Variants in NAA60 observed in about 807,000 individuals in gnomAD.
The protein encoded by NAA60 is N-alpha-acetyltransferase 60, NatF catalytic subunit.
A neutral mutation model predicts 26.1 loss-of-function variants in NAA60; 8 were observed. That is an observed-to-expected ratio of 0.31 (90% CI 0.18 to 0.55). NAA60 has a LOEUF of 0.55. Ranked by LOEUF, NAA60 falls within the 20% of genes least tolerant of loss-of-function variation. The pLI is 0.93. For synonymous variants in NAA60, 131 were observed against 122.5 expected (o/e 1.07, Z -0.46); for missense variants, 290 against 311.3 (o/e 0.93, Z 0.51).
intron 2 of NAA60, among the ~76,000 whole-genome samples, chr16:3,453,281 C>G (rs75719087): frequency 0.061 from 9,207 of 152,090 alleles, 373 homozygotes; most frequent in Admixed American, 0.085. Flanking sequence ...ACCTGTAGTC[C>G]CATCTACTCA....
rs1429796095 is a variant in NAA60 at position 3,485,007 on chromosome 16, C to T, written c.*152C>T. On this transcript the variant is annotated 3_prime_UTR_variant, in exon 7 of 8. Transcript: ENST00000407558. The stretch of plus-strand genomic sequence containing the variant: ...CCCCAGCTGCAGGCCCGGTGCTACA[C>T]GGGCTCGGGAACAGAACATCGTGGG... 12 of 1,524,334 alleles carry T rather than the reference C, an allele frequency of 7.9e-6. No individual in the cohort carries two copies. The highest frequency in any genetic ancestry group is 2.5e-5 in the East Asian group (1 of 40,614). 94.4% of individuals were successfully genotyped at this position (1,524,334 alleles called of 1,614,324 possible).
Position 3,485,798 on chromosome 16 carries a change from C to T in NAA60, c.*538C>T. 2.5e-6 allele frequency: 1 copy of T among 396,622 alleles called. No individual in the cohort carries two copies. The highest frequency in any genetic ancestry group is 5.1e-6 in the Non-Finnish European group (1 of 196,288). The allele number at this position is 396,622 out of a possible 1,614,324, so 24.6% of individuals were successfully genotyped here. On this transcript the variant is annotated 3_prime_UTR_variant, in exon 8 of 8. Coordinates refer to ENST00000407558, the MANE Select transcript of NAA60 (RefSeq NM_001083601.3). Reference sequence around the variant, plus strand: ...AAGAAGCCTGGGGGGTGAGGAGTGGCCCCCACTCCTCCATGAGGGGCTGAT... The same window carrying T: ...AAGAAGCCTGGGGGGTGAGGAGTGGTCCCCACTCCTCCATGAGGGGCTGAT...
At chr16:3,469,604 T>C (rs1313388967) in intron 2 of NAA60, among the ~76,000 whole-genome samples, 1 of 126,358 alleles carries the variant, frequency 7.9e-6, no homozygotes, top group East Asian at 2.5e-4. Flanking sequence ...TTTGCCTTGC[T>C]GCTCCGCACT....
At position 3,484,797 on chromosome 16, in the gene NAA60, T is replaced by C; in HGVS notation, c.671T>C (p.Phe224Ser). ...YRQAHSLLCS[F>S]LPWSGISSKS... The stretch of plus-strand genomic sequence containing the variant: ...CAGGCCCACAGCCTGCTCTGCAGCT[T>C]CCTGCCATGGTCGGGCATCTCTTCC... Residue 224 changes from phenylalanine (F) to serine (S), a missense_variant, in exon 7 of 8, where the codon TTC becomes TCC. Coordinates refer to ENST00000407558, the MANE Select transcript of NAA60 (RefSeq NM_001083601.3). The C allele has an allele frequency of 6.3e-7, 1 of 1,582,096 alleles. No homozygotes were observed. Among genetic ancestry groups the C allele is most frequent in the Non-Finnish European group, 8.6e-7 (1 of 1,165,080 alleles).
At chr16:3,478,918 G>T (rs957393037) in intron 3 of NAA60, among the ~76,000 whole-genome samples, 5 of 152,084 alleles carry the variant, frequency 3.3e-5, no homozygotes, top group African/African-American at 1.2e-4. Context: ...TGCTTCCATG[G>T]AGACAGTTTC....
intron 2 of NAA60, among the ~76,000 whole-genome samples, chr16:3,458,787 C>A (rs928146266): frequency 5.3e-5 from 8 of 152,108 alleles, no homozygotes; most frequent in Non-Finnish European, 1.0e-4. Context: ...TACAGACCGG[C>A]CCTACAGAAC....
At chr16:3,444,628 C>T (rs2034476396) in intron 1 of NAA60, among the ~76,000 whole-genome samples, 1 of 152,084 alleles carries the variant, frequency 6.6e-6, no homozygotes, top group East Asian at 1.9e-4. Flanking sequence ...TGTGGAATAT[C>T]TGATAGGATA....
chr16:3,476,296 A>G lies in NAA60; in HGVS notation c.69A>G (p.Ile23Met). Residue 23 changes from isoleucine to methionine, a missense_variant, in exon 3 of 8, where the codon ATA (isoleucine) becomes ATG (methionine). Ile to Met is a conservative substitution (Grantham distance 10). Coordinates refer to ENST00000407558, the MANE Select transcript of NAA60 (RefSeq NM_001083601.3). ...VSLRLLCHDD[I>M]DTVKHLCGDW... ...TGCGCCTCCTCTGCCACGATGACAT[A>G]GACACTGTGAAGCACCTGTGTGGCG... is the stretch of plus-strand genomic sequence containing the variant. 1 of 1,613,960 alleles carries G rather than the reference A, an allele frequency of 6.2e-7. No homozygotes were observed. The highest frequency in any genetic ancestry group is 1.3e-5 in the African/African-American group (1 of 75,058).
chr16:3,481,461 G>T (rs1417886462), intron 4 of NAA60, among the ~76,000 whole-genome samples: 1 of 151,610 alleles, frequency 6.6e-6, no homozygotes, highest in Admixed American at 6.6e-5. Context: ...ATCCCCCTCC[G>T]GGTGGCTTTC....
chr16:3,450,610 G>T (rs954455558), intron 2 of NAA60, among the ~76,000 whole-genome samples: 3 of 149,024 alleles, frequency 2.0e-5, no homozygotes, highest in Non-Finnish European at 3.0e-5. Flanking sequence ...TGAGGCAGGA[G>T]AATGGTGTGA....
At chr16:3,461,461 C>G (rs541385579) in intron 2 of NAA60, among the ~76,000 whole-genome samples, 142 of 152,276 alleles carry the variant, frequency 9.3e-4, no homozygotes, top group African/African-American at 3.2e-3. Context: ...CCCACCTTGT[C>G]AGCAGCTCAG....
chr16:3,461,552 C>G (rs1304432397), intron 2 of NAA60, among the ~76,000 whole-genome samples: 1 of 152,190 alleles, frequency 6.6e-6, no homozygotes, highest in Non-Finnish European at 1.5e-5. Context: ...AGAGATGTTG[C>G]AATGTCTCTT....
Position 3,443,713 on chromosome 16 carries a change from C to T in NAA60, c.-201C>T. 5 of 1,463,704 alleles carry T rather than the reference C, an allele frequency of 3.4e-6. No individual in the cohort carries two copies. Among genetic ancestry groups the T allele is most frequent in the Non-Finnish European group, 3.6e-6 (4 of 1,109,984 alleles). The allele number at this position is 1,463,704 out of a possible 1,614,324, so 90.7% of individuals were successfully genotyped here. A position where few individuals can be genotyped will look rare whatever the true frequency, so the allele number is the denominator to read the frequency against. Reference sequence around the variant, plus strand: ...GCTGGCGGGGTCTCCTCCGTGAGCTCCGGGCCTGTTTGCCTGCTGAAGTAG... The same window carrying T: ...GCTGGCGGGGTCTCCTCCGTGAGCTTCGGGCCTGTTTGCCTGCTGAAGTAG... On this transcript the variant is annotated 5_prime_UTR_variant, in exon 1 of 8. Coordinates refer to ENST00000407558, the MANE Select transcript of NAA60 (RefSeq NM_001083601.3).
chr16:3,483,020 C>T (rs547380255), intron 5 of NAA60: 14 of 473,440 alleles, frequency 3.0e-5, no homozygotes, highest in Admixed American at 7.5e-5. Context: ...GGCCAGTGAG[C>T]GGCAGAGTCT....
chr16:3,478,320 A>G (rs1191227997), intron 3 of NAA60, among the ~76,000 whole-genome samples: 2 of 152,250 alleles, frequency 1.3e-5, no homozygotes, highest in East Asian at 1.9e-4. Flanking sequence ...CAGTGAGTGC[A>G]TAGATCAGAC....
At chr16:3,448,291 AAAC>A (rs199616710) in intron 1 of NAA60, among the ~76,000 whole-genome samples, 177 bp from the exon 2 acceptor site, 1,818 of 150,818 alleles carry the variant, frequency 0.012, 26 homozygotes, top group African/African-American at 0.042. Context: ...AAAAAAAAAA[AAAC>A]ATGGGTTGCT....
chr16:3,481,309 G>A (rs1373160219), intron 4 of NAA60, among the ~76,000 whole-genome samples: 2 of 152,078 alleles, frequency 1.3e-5, no homozygotes, highest in African/African-American at 4.8e-5. Context: ...ATGCTGATCT[G>A]GAATCCCTGG....
At chr16:3,463,591 G>A (rs75287826) in intron 2 of NAA60, among the ~76,000 whole-genome samples, 1 of 150,086 alleles carries the variant, frequency 6.7e-6, no homozygotes, top group Non-Finnish European at 1.5e-5. Context: ...TGGCGCGGAT[G>A]CAGTGGCTGA....
chr16:3,481,558 G>T (rs1429955965), intron 4 of NAA60, among the ~76,000 whole-genome samples: 3 of 152,152 alleles, frequency 2.0e-5, no homozygotes, highest in Non-Finnish European at 4.4e-5. Flanking sequence ...TTCCCTCGAG[G>T]CCGACATGGG....
Sources: gnomAD v4.1 joint callset for allele counts (sites outside exome capture counted in the v4.1 genomes callset) on GRCh38, gnomAD v4.1.1 for gene constraint, MANE v1.5 for transcripts, NCBI Gene and HGNC (gene_info 2026-07-23, HGNC 2026-07-21) for gene names.